The following VEZT variants were observed in gnomAD, a reference collection of about 807,000 sequenced individuals.
VEZT encodes vezatin.
In VEZT, 39 loss-of-function variants were observed where a neutral mutation model predicts 79.9. That is an observed-to-expected ratio of 0.49 (90% CI 0.38 to 0.64). The LOEUF is 0.64. Among genes scored for constraint, VEZT ranks in the 30% least tolerant of loss-of-function variants. The probability of loss-of-function intolerance (pLI) is 0.00; values close to 1 mark genes in which losing one functional copy is unlikely to be tolerated. For missense variants in VEZT, 837 were observed against 893.1 expected (o/e 0.94, Z 0.80); for synonymous variants, 325 against 327.6 (o/e 0.99, Z 0.09).
At chr12:95,268,330 C>A (rs745996711) in intron 5 of VEZT, among the ~76,000 whole-genome samples, 50 of 151,996 alleles carry the variant, frequency 3.3e-4, no homozygotes, top group Non-Finnish European at 5.0e-4. Flanking sequence ...CCCGTCTCTA[C>A]TAAAAATACA....
rs141242736 is a variant in VEZT, at chr12:95,263,100, C to A, written c.434+19C>A. The A allele has an allele frequency of 3.1e-5, 49 of 1,566,486 alleles. No individual in the cohort carries two copies. The East Asian group carries it at 1.0e-3, about 32-fold the overall frequency. ...ATATTTGGTACTGTCCAGAAAACAC[C>A]TATTCTTTGACTGCTTACATACAGA... On this transcript the variant is annotated intron_variant, in intron 4 of 11. Coordinates refer to ENST00000436874, the MANE Select transcript of VEZT (RefSeq NM_017599.4).
At chr12:95,284,415 G>T (rs1383035328) in intron 8 of VEZT, among the ~76,000 whole-genome samples, 1 of 152,120 alleles carries the variant, frequency 6.6e-6, no homozygotes, top group Non-Finnish European at 1.5e-5. Context: ...CTACACTAGG[G>T]CATTAATTTC....
chr12:95,253,481 G>A (rs1007001259), intron 2 of VEZT, among the ~76,000 whole-genome samples: 2 of 152,130 alleles, frequency 1.3e-5, no homozygotes, highest in East Asian at 3.8e-4. Flanking sequence ...TCTTCCCTGT[G>A]CCCCTTTTAA....
chr12:95,237,796 T>G (rs1566029412), intron 1 of VEZT, among the ~76,000 whole-genome samples: 1 of 152,248 alleles, frequency 6.6e-6, no homozygotes, highest in Non-Finnish European at 1.5e-5. Context: ...TGCTACTTTA[T>G]ATTAGCCTTA....
At chr12:95,237,272 C>G (rs1479004865) in intron 1 of VEZT, among the ~76,000 whole-genome samples, 1 of 151,912 alleles carries the variant, frequency 6.6e-6, no homozygotes, top group Admixed American at 6.6e-5. Flanking sequence ...TGAGCCATGC[C>G]TCATAAGGTT....
chr12:95,260,382 AG>A (rs2064227003), intron 3 of VEZT, among the ~76,000 whole-genome samples: 1 of 152,158 alleles, frequency 6.6e-6, no homozygotes, highest in East Asian at 1.9e-4. Flanking sequence ...CTGGGATTAC[AG>A]GGGTGAACCA....
intron 1 of VEZT, among the ~76,000 whole-genome samples, chr12:95,240,038 A>C (rs976040755): frequency 9.3e-6 from 1 of 107,960 alleles, no homozygotes; most frequent in Non-Finnish European, 2.1e-5. Context: ...GGAAGGAAGG[A>C]AGGAAGGAAG....
At chr12:95,222,303 CATCT>C (rs1319605395) in intron 1 of VEZT, among the ~76,000 whole-genome samples, 1 of 152,206 alleles carries the variant, frequency 6.6e-6, no homozygotes, top group African/African-American at 2.4e-5. Context: ...ATCTGTCATC[CATCT>C]GGTACTGATT....
intron 9 of VEZT, chr12:95,290,795 T>C (rs2072549303): frequency 6.6e-6 from 1 of 152,138 alleles, no homozygotes; most frequent in South Asian, 2.1e-4. Flanking sequence ...TCATTCCATA[T>C]TTTATATAGA....
intron 1 of VEZT, among the ~76,000 whole-genome samples, chr12:95,241,706 A>G (rs2061047004): frequency 6.6e-6 from 1 of 152,238 alleles, no homozygotes; most frequent in African/African-American, 2.4e-5. Context: ...CCACTGCTTT[A>G]TAAGAACATA....
intron 7 of VEZT, among the ~76,000 whole-genome samples, chr12:95,278,840 G>A (rs985444562): frequency 2.0e-5 from 3 of 152,202 alleles, no homozygotes; most frequent in African/African-American, 7.2e-5. Flanking sequence ...AGGCCAAGGC[G>A]GGCGGATCAA....
At chr12:95,288,191 G>C (rs2071486330) in intron 9 of VEZT, among the ~76,000 whole-genome samples, 1 of 152,080 alleles carries the variant, frequency 6.6e-6, no homozygotes, top group Non-Finnish European at 1.5e-5. Flanking sequence ...AAAAGAATGA[G>C]TTTGATAGTC....
At chr12:95,225,603 C>T (rs981838342) in intron 1 of VEZT, among the ~76,000 whole-genome samples, 1 of 151,892 alleles carries the variant, frequency 6.6e-6, no homozygotes, top group African/African-American at 2.4e-5. Context: ...ATCACCACAT[C>T]TGCCTCTCAA....
At position 95,217,894 on chromosome 12, in the gene VEZT, G is replaced by A; in HGVS notation, c.36+8G>A. The A allele has an allele frequency of 6.6e-7, 1 of 1,513,526 alleles. No individual in the cohort carries two copies. The highest frequency in any genetic ancestry group is 2.7e-5 in the East Asian group (1 of 36,858). 93.8% of individuals were successfully genotyped at this position (1,513,526 alleles called of 1,614,324 possible). A position where few individuals can be genotyped will look rare whatever the true frequency, so the allele number is the denominator to read the frequency against. ...GAAGAGGTGGTTTTTGAGGTAAGAG[G>A]AAAATGGCGGTGGGTGTGGATTGCC... On this transcript the variant is annotated splice_region_variant and intron_variant, in intron 1 of 11. Coordinates refer to ENST00000436874, the MANE Select transcript of VEZT (RefSeq NM_017599.4).
chr12:95,282,621 C>G lies in VEZT; in HGVS notation c.1305C>G (p.Leu435=). ...ACACAGCAGTGCGTAGCTTGCAGCT[C>G]CATCTGAAAGCATTACTGAATGAGT... ...NVHTAVRSLQ[L]HLKALLNEVI... is the part of the protein sequence containing the mutation. Residue 435 remains leucine (L), a synonymous_variant, in exon 8 of 12, where the codon CTC becomes CTG. Transcript: ENST00000436874. 6.2e-7 allele frequency: 1 copy of G among 1,604,496 alleles called. No individual in the cohort carries two copies. The highest frequency in any genetic ancestry group is 8.5e-7 in the Non-Finnish European group (1 of 1,173,956).
At chr12:95,230,423 C>CTT (rs35895570) in intron 1 of VEZT, among the ~76,000 whole-genome samples, 9 of 138,780 alleles carry the variant, frequency 6.5e-5, no homozygotes, top group African/African-American at 1.9e-4. Context: ...CTTTTTCTTT[C>CTT]TTTTTTTTTT....
At chr12:95,230,062 A>C (rs2059026142) in intron 1 of VEZT, among the ~76,000 whole-genome samples, 2 of 143,016 alleles carry the variant, frequency 1.4e-5, no homozygotes, top group Admixed American at 1.5e-4. Context: ...CTGAGATCAC[A>C]CCACTGCACT....
intron 1 of VEZT, among the ~76,000 whole-genome samples, chr12:95,245,962 G>C (rs759989905): frequency 6.6e-6 from 1 of 152,216 alleles, no homozygotes; most frequent in Non-Finnish European, 1.5e-5. Flanking sequence ...CTGGGTGACA[G>C]AGAAAGACCC....
chr12:95,266,251 A>G, intron 4 of VEZT, 106 bp from the exon 5 acceptor site: 1 of 1,229,888 alleles, frequency 8.1e-7, no homozygotes, highest in Non-Finnish European at 1.1e-6. Context: ...CTAGCATTTT[A>G]TTTATTTAGT....
Sources: allele counts gnomAD v4.1 joint callset (sites outside exome capture counted in the v4.1 genomes callset), GRCh38; gene constraint gnomAD v4.1.1; transcripts MANE v1.5; gene names NCBI Gene and HGNC (gene_info 2026-07-23, HGNC 2026-07-21).